DLGAP4: variants seen among roughly 807,000 people sequenced by gnomAD.
DLGAP4 encodes DLG associated protein 4, also known as disks large-associated protein 4.
Under a neutral mutation model 86.9 loss-of-function variants are expected in DLGAP4, and 18 were observed. The observed-to-expected ratio is 0.21, with a 90% CI of 0.14 to 0.31. The LOEUF (loss-of-function observed/expected upper bound fraction) is 0.31. DLGAP4 is among the 10% of genes least tolerant of loss of function. The pLI is 1.00. For missense variants in DLGAP4, 1,085 were observed against 1,362.6 expected (o/e 0.80, Z 3.21); for synonymous variants, 548 against 574.3 (o/e 0.95, Z 0.65).
At position 36,431,942 on chromosome 20, in the gene DLGAP4, C is replaced by A; in HGVS notation, c.225C>A (p.His75Gln). 1 of 1,614,250 alleles carries A rather than the reference C, an allele frequency of 6.2e-7. No individual in the cohort carries two copies. Among genetic ancestry groups the A allele is most frequent in the South Asian group, 1.1e-5 (1 of 91,084 alleles). The change falls in exon 3 of 13, where the codon CAC (histidine) becomes CAA (glutamine). Residue 75 changes from histidine to glutamine, a missense_variant. Physicochemically the swap from His to Gln is conservative, Grantham distance 24. Coordinates refer to ENST00000339266, the MANE Select transcript of DLGAP4 (RefSeq NM_001365621.2). The surrounding 1 kb of genome is among the most constrained non-coding windows in gnomAD (Gnocchi z 5.1). Reference sequence around the variant, plus strand: ...CCAGCAGCACCTTTCCCCGCATCCACTACAACTCCCACTTCGAGGTGCCAG... The same window carrying A: ...CCAGCAGCACCTTTCCCCGCATCCAATACAACTCCCACTTCGAGGTGCCAG... ...PPPSSTFPRIHYNSHFEVPEE... is the reference protein window; with the variant it reads ...PPPSSTFPRIQYNSHFEVPEE...
intron 1 of DLGAP4, among the ~76,000 whole-genome samples, chr20:36,365,420 C>G (rs932576405): frequency 1.3e-4 from 20 of 152,238 alleles, no homozygotes; most frequent in Admixed American, 4.6e-4. Context: ...TCTACTGACT[C>G]AGAATGTTTT....
At chr20:36,518,240 C>T (rs984237659) in intron 10 of DLGAP4, among the ~76,000 whole-genome samples, 1 of 151,370 alleles carries the variant, frequency 6.6e-6, no homozygotes, top group Non-Finnish European at 1.5e-5. Flanking sequence ...AAAAAAAAAA[C>T]CAGGATTTTA....
intron 2 of DLGAP4, among the ~76,000 whole-genome samples, chr20:36,392,696 C>G (rs1294970014): frequency 6.6e-6 from 1 of 152,214 alleles, no homozygotes; most frequent in Non-Finnish European, 1.5e-5. Context: ...TGCATTCCTT[C>G]CTTTGACAGA....
chr20:36,360,191 A>G (rs993518937), intron 1 of DLGAP4, among the ~76,000 whole-genome samples: 2 of 152,214 alleles, frequency 1.3e-5, no homozygotes, highest in Non-Finnish European at 1.5e-5. Flanking sequence ...CATTTTGCAG[A>G]CAGGGAACAC....
At chr20:36,513,988 G>T (rs1185251815) in intron 10 of DLGAP4, among the ~76,000 whole-genome samples, 2 of 152,130 alleles carry the variant, frequency 1.3e-5, no homozygotes, top group Admixed American at 1.3e-4. Context: ...ATTCTATCTG[G>T]GAGTCACCAG....
chr20:36,514,588 C>A (rs6024537), intron 10 of DLGAP4, among the ~76,000 whole-genome samples: 1 of 151,982 alleles, frequency 6.6e-6, no homozygotes, highest in African/African-American at 2.4e-5. Flanking sequence ...TTAAAAATTT[C>A]TTTTTTATAG....
chr20:36,438,779 G>T (rs1380747466), intron 4 of DLGAP4, among the ~76,000 whole-genome samples: 2 of 143,020 alleles, frequency 1.4e-5, no homozygotes, highest in Non-Finnish European at 3.0e-5. Context: ...CACAAACTTG[G>T]TTCACTGTAA....
intron 4 of DLGAP4, among the ~76,000 whole-genome samples, chr20:36,438,543 G>A (rs967904065): frequency 2.7e-5 from 4 of 150,380 alleles, no homozygotes; most frequent in Non-Finnish European, 4.4e-5. Flanking sequence ...TTCCCAATCT[G>A]AATAATATAT....
At position 36,500,676 on chromosome 20, in the gene DLGAP4, G is replaced by A. The variant is rs1195617749; in HGVS notation, c.2512+65G>A. On this transcript the variant is annotated intron_variant, in intron 10 of 12. Transcript: ENST00000339266. This position sits in a 1 kb window ranked among gnomAD's most constrained non-coding sequence, Gnocchi z 4.6. ...GTGTTGGCAGCTGGTTTCAGCTGGTGGCCAGCAGCTTCCGAACTTCTGAGT... is the reference window on the plus strand; with the variant it reads ...GTGTTGGCAGCTGGTTTCAGCTGGTAGCCAGCAGCTTCCGAACTTCTGAGT... 2 of 1,375,874 alleles carry A rather than the reference G, an allele frequency of 1.5e-6. No individual in the cohort carries two copies. Among genetic ancestry groups the A allele is most frequent in the African/African-American group, 1.5e-5 (1 of 67,242 alleles). 85.2% of individuals were successfully genotyped at this position (1,375,874 alleles called of 1,614,324 possible).
At chr20:36,499,392 T>TCCCCCCCCCCCCCC in intron 8 of DLGAP4, 196 bp from the exon 9 acceptor site, 1 of 924,070 alleles carries the variant, frequency 1.1e-6, no homozygotes. Flanking sequence ...CCTGCCCGCC[T>TCCCCCCCCCCCCCC]CCACGCGAAT....
At chr20:36,379,536 G>C (rs1252627261) in intron 2 of DLGAP4, among the ~76,000 whole-genome samples, 2 of 152,160 alleles carry the variant, frequency 1.3e-5, no homozygotes, top group Non-Finnish European at 2.9e-5. Context: ...TGTGTAGCTG[G>C]GGTGGGGTCA....
intron 2 of DLGAP4, among the ~76,000 whole-genome samples, chr20:36,427,235 T>C (rs1472975206): frequency 2.6e-5 from 4 of 151,702 alleles, no homozygotes; most frequent in Non-Finnish European, 5.9e-5. Context: ...TCTCAACACT[T>C]TGGGAGGCCG....
intron 1 of DLGAP4, among the ~76,000 whole-genome samples, chr20:36,349,104 CAAAAAAAAAAAAAAAAAAAA>C (rs539585564): frequency 2.5e-5 from 1 of 39,892 alleles, no homozygotes; most frequent in African/African-American, 1.6e-4. Context: ...GACTCCATCT[CAAAAAAAAAAAAAAAAAAAA>C]AAAAAAAAAA....
intron 7 of DLGAP4, chr20:36,465,292 A>G (rs2034298750): frequency 6.6e-6 from 1 of 152,102 alleles, no homozygotes. Flanking sequence ...GTAATCAGCC[A>G]GGCTCTTTCC....
chr20:36,524,077 TTG>T lies in DLGAP4; in HGVS notation c.2513-169_2513-168del, dbSNP rs559326956. ...TGGGATGGGGTTGGCTTTATATTGTTTGTGTTTTTCTCAATGAGAATGGATTA... is the reference window on the plus strand; with the variant it reads ...TGGGATGGGGTTGGCTTTATATTGTTTGTTTTTCTCAATGAGAATGGATTA... On this transcript the variant is annotated intron_variant, in intron 10 of 12. Coordinates refer to ENST00000339266, the MANE Select transcript of DLGAP4 (RefSeq NM_001365621.2). Among the ~76,000 whole-genome samples the T allele has an allele frequency of 2.7e-4, 41 of 152,292 alleles. 1 individual carries two copies. In the Middle Eastern group the frequency reaches 0.01, roughly 38 times the overall value.
chr20:36,432,787 A>G lies in DLGAP4; in HGVS notation c.999+71A>G. On this transcript the variant is annotated intron_variant, in intron 3 of 12. Coordinates refer to ENST00000339266, the MANE Select transcript of DLGAP4 (RefSeq NM_001365621.2). This position sits in a 1 kb window ranked among gnomAD's most constrained non-coding sequence, Gnocchi z 6.5. Reference sequence around the variant, plus strand: ...GGCACCAGTTTTGAGGCCTAGACGTACCACAGATTCACTTGGAAAGTCACT... The same window carrying G: ...GGCACCAGTTTTGAGGCCTAGACGTGCCACAGATTCACTTGGAAAGTCACT... The G allele has an allele frequency of 6.5e-7, 1 of 1,548,418 alleles. No individual in the cohort carries two copies. Among genetic ancestry groups the G allele is most frequent in the Non-Finnish European group, 8.8e-7 (1 of 1,141,240 alleles).
intron 1 of DLGAP4, among the ~76,000 whole-genome samples, chr20:36,362,199 G>C (rs970844529): frequency 2.6e-5 from 4 of 152,050 alleles, no homozygotes; most frequent in Admixed American, 2.0e-4. Flanking sequence ...GGCAGAGGTT[G>C]CAGTGAGCCG....
intron 2 of DLGAP4, among the ~76,000 whole-genome samples, chr20:36,426,422 C>T (rs188509427): frequency 8.6e-5 from 13 of 151,472 alleles, no homozygotes; most frequent in African/African-American, 2.9e-4. Context: ...GGCTGAGGCA[C>T]GAGAATCGCT....
rs115827776 is a variant in DLGAP4, at chr20:36,365,401, G to C, written c.-303-1644G>C. ...CTTGAAATCTTTTATGCATCTTCGA[G>C]AATTTGTGTCTACTGACTCAGAATG... is the stretch of plus-strand genomic sequence containing the variant. On this transcript the variant is annotated intron_variant, in intron 1 of 12. Coordinates refer to ENST00000339266, the MANE Select transcript of DLGAP4 (RefSeq NM_001365621.2). Among the ~76,000 whole-genome samples the C allele has an allele frequency of 6.8e-3, 1,038 of 152,324 alleles. 16 individuals are homozygous for C. The highest frequency in any genetic ancestry group is 0.024 in the African/African-American group (997 of 41,570).
Sources: allele counts gnomAD v4.1 joint callset (sites outside exome capture counted in the v4.1 genomes callset), GRCh38; gene constraint gnomAD v4.1.1; non-coding constraint Gnocchi (gnomAD v3.1); transcripts MANE v1.5; gene names NCBI Gene and HGNC (gene_info 2026-07-23, HGNC 2026-07-21).